The following RBMS3 variants were observed in gnomAD, a reference collection of about 807,000 sequenced individuals.
RBMS3 encodes RNA binding motif single stranded interacting protein 3.
RBMS3 carries 27 observed loss-of-function variants against 66.8 expected under a neutral mutation model. The ratio of observed to expected loss-of-function variants is 0.40; its 90% CI spans 0.30 to 0.56. The LOEUF is 0.56. Ranked by LOEUF, RBMS3 falls within the 20% of genes least tolerant of loss-of-function variation. The probability of loss-of-function intolerance (pLI) is 0.40; values close to 1 mark genes in which losing one functional copy is unlikely to be tolerated. For missense variants in RBMS3, 513 were observed against 549.5 expected (o/e 0.93, Z 0.66); for synonymous variants, 188 against 183.0 (o/e 1.03, Z -0.22).
chr3:29,302,569 T>C (rs1188692907), intron 1 of RBMS3, among the ~76,000 whole-genome samples: 1 of 151,992 alleles, frequency 6.6e-6, no homozygotes, highest in Non-Finnish European at 1.5e-5. Context: ...ATGAATTGAT[T>C]TTATCAATAG....
At chr3:29,336,907 A>AT (rs576091660) in intron 1 of RBMS3, among the ~76,000 whole-genome samples, 1 of 152,160 alleles carries the variant, frequency 6.6e-6, no homozygotes, top group Non-Finnish European at 1.5e-5. Flanking sequence ...ATTAAGTCAA[A>AT]TTCCATGTAC....
At chr3:29,543,722 A>G (rs1489951475) in intron 3 of RBMS3, among the ~76,000 whole-genome samples, 1 of 152,222 alleles carries the variant, frequency 6.6e-6, no homozygotes, top group African/African-American at 2.4e-5. Flanking sequence ...AAAATAAAAA[A>G]TAAAAAAGTA....
intron 7 of RBMS3, among the ~76,000 whole-genome samples, chr3:29,877,888 C>T (rs1248877846): frequency 1.3e-5 from 2 of 152,098 alleles, no homozygotes; most frequent in Non-Finnish European, 2.9e-5. Flanking sequence ...TCTCCCTTGA[C>T]AGGAAGAAGG....
At chr3:29,532,613 G>A (rs939932754) in intron 3 of RBMS3, among the ~76,000 whole-genome samples, 4 of 151,898 alleles carry the variant, frequency 2.6e-5, no homozygotes, top group Non-Finnish European at 2.9e-5. Context: ...TGCCTGTATC[G>A]TCGCTACTCA....
chr3:29,576,508 C>T (rs544972542), intron 3 of RBMS3, among the ~76,000 whole-genome samples: 16 of 152,126 alleles, frequency 1.1e-4, no homozygotes, highest in African/African-American at 3.9e-4. Flanking sequence ...TACAAAAAAC[C>T]CTTGGCCTCT....
chr3:29,490,869 T>A (rs565349661), intron 3 of RBMS3, among the ~76,000 whole-genome samples: 5 of 151,938 alleles, frequency 3.3e-5, no homozygotes, highest in Admixed American at 6.6e-5. Flanking sequence ...ATATACAAAG[T>A]CTTGGGTCAG....
rs371601397 is a variant in RBMS3 at position 29,647,123 on chromosome 3, G to A, written c.399+59918G>A. ...CTCCCAAGTAGCTGGGACTACAGGC[G>A]CGTACCACCACACCGGGCTAATTTT... On this transcript the variant is annotated intron_variant, in intron 4 of 14. Coordinates refer to ENST00000383767, the MANE Select transcript of RBMS3 (RefSeq NM_001003793.3). Among the ~76,000 whole-genome samples, 55 of 152,164 alleles carry A rather than the reference G, an allele frequency of 3.6e-4. 1 individual carries two copies. The East Asian group carries it at 9.1e-3, about 25-fold the overall frequency.
chr3:29,798,580 G>A (rs937930527), intron 6 of RBMS3, among the ~76,000 whole-genome samples: 2 of 152,148 alleles, frequency 1.3e-5, no homozygotes, highest in African/African-American at 4.8e-5. Context: ...AGCATATACA[G>A]AATGGAATAG....
At chr3:29,321,048 G>T (rs1302426281) in intron 1 of RBMS3, among the ~76,000 whole-genome samples, 1 of 151,966 alleles carries the variant, frequency 6.6e-6, no homozygotes, top group Non-Finnish European at 1.5e-5. Context: ...GCCAATGAAC[G>T]TACCAAATGA....
intron 3 of RBMS3, among the ~76,000 whole-genome samples, chr3:29,513,549 C>T (rs1018533550): frequency 1.3e-5 from 2 of 152,264 alleles, no homozygotes; most frequent in East Asian, 3.9e-4. Flanking sequence ...CTTGACAAAG[C>T]CATAATTTCT....
chr3:29,953,870 A>G (rs1695851534), intron 12 of RBMS3, among the ~76,000 whole-genome samples: 1 of 151,836 alleles, frequency 6.6e-6, no homozygotes, highest in African/African-American at 2.4e-5. Flanking sequence ...TTATGAGAAG[A>G]TCAGTACCAC....
chr3:29,341,478 ATT>A (rs1404216687), intron 1 of RBMS3, among the ~76,000 whole-genome samples: 1 of 152,080 alleles, frequency 6.6e-6, no homozygotes, highest in Non-Finnish European at 1.5e-5. Flanking sequence ...TCTTATAAGT[ATT>A]TTTATTTTAT....
chr3:29,949,199 TTTTTGTTTTG>T (rs1188590946), intron 12 of RBMS3, among the ~76,000 whole-genome samples: 1 of 151,122 alleles, frequency 6.6e-6, no homozygotes, highest in Non-Finnish European at 1.5e-5. Context: ...TGTTTTTTGG[TTTTTGTTTTG>T]TTTTGTTTTC....
chr3:29,745,593 G>C (rs917247286), intron 5 of RBMS3, among the ~76,000 whole-genome samples: 96 of 152,246 alleles, frequency 6.3e-4, no homozygotes, highest in African/African-American at 2.2e-3. Context: ...AGTGATGGGT[G>C]GGGGACAGGG....
chr3:29,748,842 GT>G (rs1400002263), intron 5 of RBMS3, among the ~76,000 whole-genome samples: 1 of 152,184 alleles, frequency 6.6e-6, no homozygotes, highest in African/African-American at 2.4e-5. Context: ...TTCCCAAATG[GT>G]TCTGTCCCAC....
intron 3 of RBMS3, among the ~76,000 whole-genome samples, chr3:29,517,836 G>GA (rs1463578413): frequency 2.6e-5 from 4 of 152,058 alleles, no homozygotes; most frequent in East Asian, 1.9e-4. Context: ...GTAGTTGTGG[G>GA]AAAAAAATGT....
rs569307279 is a variant in RBMS3, at chr3:29,967,479, T to C, written c.1099-20664T>C. 2.0e-5 allele frequency among the ~76,000 whole-genome samples: 3 copies of C among 152,290 alleles called. No individual in the cohort carries two copies. In the South Asian group the frequency reaches 6.2e-4, roughly 32 times the overall value. On this transcript the variant is annotated intron_variant, in intron 12 of 14. Coordinates refer to ENST00000383767, the MANE Select transcript of RBMS3 (RefSeq NM_001003793.3). Reference sequence around the variant, plus strand: ...TCCGGCTAATTTTTTGTATTTTTAGTAGAGACGGGATTTCACCATGTTAGC... The same window carrying C: ...TCCGGCTAATTTTTTGTATTTTTAGCAGAGACGGGATTTCACCATGTTAGC...
At chr3:29,367,581 T>C (rs11129365) in intron 1 of RBMS3, among the ~76,000 whole-genome samples, 95,627 of 151,974 alleles carry the variant, frequency 0.63, 30,605 homozygotes, top group Non-Finnish European at 0.69. Context: ...TGTTTACAAA[T>C]AAAGCATAAT....
chr3:29,473,171 T>A (rs2042807233), intron 2 of RBMS3, among the ~76,000 whole-genome samples: 1 of 151,592 alleles, frequency 6.6e-6, no homozygotes, highest in Non-Finnish European at 1.5e-5. Context: ...TTTCTCCAAG[T>A]CCCCACCAGA....
Sources: allele counts gnomAD v4.1 joint callset (sites outside exome capture counted in the v4.1 genomes callset), GRCh38; gene constraint gnomAD v4.1.1; transcripts MANE v1.5; gene names NCBI Gene and HGNC (gene_info 2026-07-23, HGNC 2026-07-21).